Variants in DTD1 observed in about 807,000 individuals in gnomAD.
DTD1 encodes the protein D-tyrosyl-tRNA deacylase 1 homolog.
DTD1 carries 13 observed loss-of-function variants against 25.6 expected under a neutral mutation model. The ratio of observed to expected loss-of-function variants is 0.51; its 90% CI spans 0.33 to 0.81. The LOEUF is 0.81. Ranked by LOEUF, DTD1 falls within the 30% of genes least tolerant of loss-of-function variation. The pLI is 0.02. For synonymous variants in DTD1, 110 were observed against 103.6 expected, an observed-to-expected ratio of 1.06 and a Z score of -0.37; for missense variants, 193 against 266.4, an observed-to-expected ratio of 0.72 and a Z score of 1.92.
At chr20:18,696,701 T>C (rs2122450463) in intron 4 of DTD1, among the ~76,000 whole-genome samples, 1 of 152,028 alleles carries the variant, frequency 6.6e-6, no homozygotes, top group East Asian at 2.0e-4. Flanking sequence ...ATTACAGGCA[T>C]GCACCACCAC....
At chr20:18,647,611 A>G (rs1171901497) in intron 4 of DTD1, among the ~76,000 whole-genome samples, 3 of 152,124 alleles carry the variant, frequency 2.0e-5, no homozygotes, top group Admixed American at 6.6e-5. Flanking sequence ...GAATGAAAGC[A>G]GGTGAGTCTG....
intron 5 of DTD1, among the ~76,000 whole-genome samples, chr20:18,756,097 C>T (rs6035115): frequency 0.56 from 85,285 of 151,428 alleles, 24,724 homozygotes; most frequent in Non-Finnish European, 0.62. Flanking sequence ...TCATATCCTT[C>T]GCCCACTTTT....
chr20:18,605,848 A>G (rs1398372816), intron 3 of DTD1, among the ~76,000 whole-genome samples: 12 of 149,200 alleles, frequency 8.0e-5, no homozygotes, highest in Admixed American at 4.1e-4. Context: ...AGGCATTACC[A>G]TTCAGGACAT....
At chr20:18,721,955 G>A (rs969994510) in intron 4 of DTD1, among the ~76,000 whole-genome samples, 4 of 152,112 alleles carry the variant, frequency 2.6e-5, no homozygotes, top group African/African-American at 9.7e-5. Context: ...TCTTCAGGCC[G>A]CTCCCCAGAA....
At chr20:18,670,271 C>T (rs1191226863) in intron 4 of DTD1, among the ~76,000 whole-genome samples, 1 of 152,298 alleles carries the variant, frequency 6.6e-6, no homozygotes, top group East Asian at 1.9e-4. Context: ...GCCTGGCCAA[C>T]ATGGCAAAAC....
At chr20:18,691,182 C>A (rs1029561406) in intron 4 of DTD1, among the ~76,000 whole-genome samples, 1 of 152,142 alleles carries the variant, frequency 6.6e-6, no homozygotes, top group African/African-American at 2.4e-5. Context: ...ATTAGTACAG[C>A]CACTGTGGAA....
At chr20:18,760,726 G>A (rs1215683792) in intron 5 of DTD1, among the ~76,000 whole-genome samples, 1 of 152,228 alleles carries the variant, frequency 6.6e-6, no homozygotes, top group Non-Finnish European at 1.5e-5. Flanking sequence ...CAGATCTCAA[G>A]CTGCATGCTG....
At chr20:18,718,992 C>G (rs2061192591) in intron 4 of DTD1, among the ~76,000 whole-genome samples, 1 of 152,216 alleles carries the variant, frequency 6.6e-6, no homozygotes, top group Non-Finnish European at 1.5e-5. Context: ...CCGTTTTGTA[C>G]AGATGCTCCT....
At chr20:18,717,045 A>T (rs1023590267) in intron 4 of DTD1, among the ~76,000 whole-genome samples, 9 of 152,204 alleles carry the variant, frequency 5.9e-5, no homozygotes, top group African/African-American at 2.2e-4. Context: ...GCTTCTTGGG[A>T]GCACCTCCAG....
intron 4 of DTD1, among the ~76,000 whole-genome samples, chr20:18,639,566 GC>G (rs141858912): frequency 0.02 from 3,025 of 152,226 alleles, 40 homozygotes; most frequent in Non-Finnish European, 0.025. Context: ...GCTCCAGCGT[GC>G]CTCTTGCTGC....
At chr20:18,663,438 T>G (rs1364656466) in intron 4 of DTD1, among the ~76,000 whole-genome samples, 1 of 152,250 alleles carries the variant, frequency 6.6e-6, no homozygotes, top group African/African-American at 2.4e-5. Context: ...TATGGCTCAT[T>G]TAATTTAATA....
intron 5 of DTD1, among the ~76,000 whole-genome samples, chr20:18,745,072 G>C (rs985293354): frequency 6.6e-6 from 1 of 152,150 alleles, no homozygotes; most frequent in Non-Finnish European, 1.5e-5. Context: ...TGCAGATGCA[G>C]AGTCCACTTG....
rs1420983618 is a variant in DTD1, at chr20:18,693,137, C to G, written c.478-50963C>G. Among the ~76,000 whole-genome samples the G allele has an allele frequency of 2.0e-5, 3 of 152,086 alleles. No homozygotes were observed. In the East Asian group the frequency reaches 5.8e-4, roughly 30 times the overall value. On this transcript the variant is annotated intron_variant, in intron 4 of 5. Coordinates refer to ENST00000377452, the MANE Select transcript of DTD1 (RefSeq NM_080820.6). The stretch of plus-strand genomic sequence containing the variant: ...CCAACTCCTGACCTCCAGTGATCCA[C>G]CCGCCTCGGCTTCCCAAAATGCTGG...
intron 4 of DTD1, among the ~76,000 whole-genome samples, chr20:18,661,619 C>T (rs1452111831): frequency 6.6e-6 from 1 of 152,156 alleles, no homozygotes; most frequent in Non-Finnish European, 1.5e-5. Context: ...GATCTGCCCG[C>T]CTTGGCCTCC....
rs4052788 is a variant in DTD1, at chr20:18,597,154, AGTGTGTGTGTGT to A, written c.370+948_370+959del. ...CTCTCTCTTTTAGTAGATGAGAGAA[AGTGTGTGTGTGT>A]GTGTGTGTGTGTGTGTGTGTGTGTG... On this transcript the variant is annotated intron_variant, in intron 3 of 5. Coordinates refer to ENST00000377452, the MANE Select transcript of DTD1 (RefSeq NM_080820.6). Among the ~76,000 whole-genome samples the A allele has an allele frequency of 5.7e-3, 824 of 143,474 alleles. 4 individuals are homozygous for A. The highest frequency in any genetic ancestry group is 0.019 in the South Asian group (80 of 4,296). The allele number at this position is 143,474 out of a possible 152,430, so 94.1% of individuals were successfully genotyped here. A position where few individuals can be genotyped will look rare whatever the true frequency, so the allele number is the denominator to read the frequency against.
At chr20:18,596,730 C>CT (rs139465381) in intron 3 of DTD1, among the ~76,000 whole-genome samples, 4,470 of 146,784 alleles carry the variant, frequency 0.03, 101 homozygotes, top group African/African-American at 0.051. Context: ...TTTACATTCT[C>CT]TTTTTTTTTT....
intron 5 of DTD1, among the ~76,000 whole-genome samples, chr20:18,754,988 T>C (rs2061333408): frequency 6.6e-6 from 1 of 152,234 alleles, no homozygotes; most frequent in Non-Finnish European, 1.5e-5. Flanking sequence ...GCATACCTAA[T>C]GGATTGTCCT....
intron 4 of DTD1, among the ~76,000 whole-genome samples, chr20:18,650,812 A>C (rs2060871244): frequency 6.6e-6 from 1 of 152,214 alleles, no homozygotes; most frequent in Non-Finnish European, 1.5e-5. Flanking sequence ...TAATTGGGCA[A>C]CTGGTGGCAA....
At chr20:18,634,672 A>C (rs1341627778) in intron 4 of DTD1, among the ~76,000 whole-genome samples, 1 of 152,200 alleles carries the variant, frequency 6.6e-6, no homozygotes, top group Non-Finnish European at 1.5e-5. Flanking sequence ...TGGAATGTCA[A>C]GATTGAGACA....
Sources: gnomAD v4.1 joint callset for allele counts (sites outside exome capture counted in the v4.1 genomes callset) on GRCh38, gnomAD v4.1.1 for gene constraint, MANE v1.5 for transcripts, NCBI Gene and HGNC (gene_info 2026-07-23, HGNC 2026-07-21) for gene names.